Variants in RBFOX1 observed in about 807,000 individuals in gnomAD.
RBFOX1 encodes RNA binding protein fox-1 homolog 1.
A neutral mutation model predicts 57.7 loss-of-function variants in RBFOX1; 8 were observed. The ratio of observed to expected loss-of-function variants is 0.14; its 90% CI spans 0.08 to 0.25. RBFOX1 has a LOEUF of 0.25. RBFOX1 is among the 10% of genes least tolerant of loss of function. The pLI is 1.00. For synonymous variants in RBFOX1, 326 were observed against 222.4 expected, an observed-to-expected ratio of 1.47 and a Z score of -4.15; for missense variants, 611 against 548.5, an observed-to-expected ratio of 1.11 and a Z score of -1.14.
chr16:6,226,895 G>T (rs145373472), intron 1 of RBFOX1, among the ~76,000 whole-genome samples: 2,123 of 150,044 alleles, frequency 0.014, 28 homozygotes, highest in South Asian at 0.025. Context: ...GATTGCCTGA[G>T]CTCAGGAGTT....
chr16:5,467,375 A>T (rs953568918), intron 2 of RBFOX1: 6 of 933,290 alleles, frequency 6.4e-6, no homozygotes, highest in Non-Finnish European at 9.6e-6. Context: ...TCTGTAATCA[A>T]CCACAGCACA....
At chr16:6,348,971 A>G (rs1409475201) in intron 2 of RBFOX1, among the ~76,000 whole-genome samples, 3 of 152,192 alleles carry the variant, frequency 2.0e-5, no homozygotes. Context: ...TTTGGAAGTC[A>G]AGCGCTTCAA....
intron 3 of RBFOX1, among the ~76,000 whole-genome samples, chr16:6,668,210 A>G (rs1020717707): frequency 1.3e-5 from 2 of 152,238 alleles, no homozygotes; most frequent in Non-Finnish European, 2.9e-5. Flanking sequence ...GTGTCAAGTC[A>G]TATTGATTGT....
chr16:6,874,053 G>C (rs1430208469), intron 3 of RBFOX1: 1 of 152,146 alleles, frequency 6.6e-6, no homozygotes, highest in East Asian at 1.9e-4. Context: ...AAAAGGAAAA[G>C]AAGTCATTAT....
At chr16:5,504,053 T>A (rs1379810234) in intron 2 of RBFOX1, among the ~76,000 whole-genome samples, 1 of 152,264 alleles carries the variant, frequency 6.6e-6, no homozygotes, top group East Asian at 1.9e-4. Flanking sequence ...CTCCAGCCCC[T>A]TCCTGGCATC....
chr16:7,116,070 T>C (rs1484206885), intron 4 of RBFOX1, among the ~76,000 whole-genome samples: 1 of 152,148 alleles, frequency 6.6e-6, no homozygotes, highest in African/African-American at 2.4e-5. Context: ...CAGCCCTTTC[T>C]CAGTGGGTAC....
intron 1 of RBFOX1, among the ~76,000 whole-genome samples, chr16:6,114,539 A>G (rs568132859): frequency 6.8e-6 from 1 of 147,686 alleles, no homozygotes; most frequent in African/African-American, 2.6e-5. Context: ...GAACTTGTCA[A>G]TTAGAATCAA....
At chr16:5,723,994 G>T (rs1263414586) in intron 3 of RBFOX1, among the ~76,000 whole-genome samples, 2 of 147,792 alleles carry the variant, frequency 1.4e-5, no homozygotes, top group Non-Finnish European at 2.9e-5. Context: ...TCGAAGAAGA[G>T]TGTCGGTGTA....
intron 3 of RBFOX1, among the ~76,000 whole-genome samples, chr16:5,847,888 G>T (rs1198433566): frequency 6.6e-6 from 1 of 151,456 alleles, no homozygotes; most frequent in Non-Finnish European, 1.5e-5. Flanking sequence ...ATTGCCAACA[G>T]ATTGTCTGTA....
chr16:7,382,510 C>A (rs2097796613), intron 4 of RBFOX1, among the ~76,000 whole-genome samples: 1 of 152,142 alleles, frequency 6.6e-6, no homozygotes, highest in Admixed American at 6.5e-5. Context: ...GACAGTGTTA[C>A]AAAGATAGTG....
chr16:6,504,110 G>C (rs1274290153), intron 2 of RBFOX1, among the ~76,000 whole-genome samples: 1 of 152,156 alleles, frequency 6.6e-6, no homozygotes, highest in Non-Finnish European at 1.5e-5. Flanking sequence ...TGGCAGCCCA[G>C]AGGTAAGGTA....
intron 4 of RBFOX1, among the ~76,000 whole-genome samples, chr16:7,367,198 C>A (rs796252850): frequency 9.2e-5 from 14 of 152,214 alleles, no homozygotes; most frequent in African/African-American, 3.4e-4. Flanking sequence ...TGGCTGAGGC[C>A]CCCACCCCCA....
chr16:6,833,086 C>T (rs763554993), intron 3 of RBFOX1, among the ~76,000 whole-genome samples: 22 of 151,972 alleles, frequency 1.4e-4, no homozygotes, highest in African/African-American at 3.9e-4. Context: ...TCTTTGAACT[C>T]ACTCCTCTTT....
intron 3 of RBFOX1, among the ~76,000 whole-genome samples, chr16:6,977,150 C>T (rs140024839): frequency 8.0e-5 from 8 of 100,070 alleles, no homozygotes; most frequent in East Asian, 4.0e-4. Context: ...TTATATATAT[C>T]ATATATATCA....
chr16:6,108,951 C>T (rs2096413370), intron 1 of RBFOX1, among the ~76,000 whole-genome samples: 1 of 152,170 alleles, frequency 6.6e-6, no homozygotes, highest in Non-Finnish European at 1.5e-5. Flanking sequence ...TTAATTGAAT[C>T]TCATCTACAA....
intron 3 of RBFOX1, among the ~76,000 whole-genome samples, chr16:6,851,839 G>A (rs773124500): frequency 6.6e-6 from 1 of 152,060 alleles, no homozygotes; most frequent in African/African-American, 2.4e-5. Flanking sequence ...GATGCCCTGT[G>A]TGCTTGCATT....
chr16:5,686,907 C>T (rs1438624842), intron 3 of RBFOX1, among the ~76,000 whole-genome samples: 1 of 152,054 alleles, frequency 6.6e-6, no homozygotes, highest in Non-Finnish European at 1.5e-5. Context: ...TTTAATGAGC[C>T]TGGATTTACT....
chr16:6,883,184 C>G (rs1056079342), intron 3 of RBFOX1, among the ~76,000 whole-genome samples: 69 of 152,150 alleles, frequency 4.5e-4, no homozygotes, highest in African/African-American at 1.5e-3. Flanking sequence ...GTTTAATGTT[C>G]TGAACCTAAG....
intron 3 of RBFOX1, among the ~76,000 whole-genome samples, chr16:5,612,948 A>G (rs2047877587): frequency 6.6e-6 from 1 of 152,202 alleles, no homozygotes; most frequent in Admixed American, 6.5e-5. Flanking sequence ...TTCCTGGCAC[A>G]TAGAAAGGAC....
Sources: allele counts gnomAD v4.1 joint callset (sites outside exome capture counted in the v4.1 genomes callset), GRCh38; gene constraint gnomAD v4.1.1; transcripts MANE v1.5; gene names NCBI Gene and HGNC (gene_info 2026-07-23, HGNC 2026-07-21).